DMD: variants seen among roughly 807,000 people sequenced by gnomAD.
DMD encodes the protein mutant dystrophin.
In DMD, 63 loss-of-function variants were observed where a neutral mutation model predicts 330.1. The observed-to-expected ratio is 0.19, with a 90% CI of 0.16 to 0.24. The LOEUF (loss-of-function observed/expected upper bound fraction) is 0.24. Ranked by LOEUF, DMD falls within the 10% of genes least tolerant of loss-of-function variation. The pLI, the probability that DMD is intolerant of heterozygous loss-of-function variation, is 1.00. For synonymous variants in DMD, 1,223 were observed against 959.8 expected (o/e 1.27, Z -5.07); for missense variants, 3,344 against 2,684.1 (o/e 1.25, Z -5.43).
intron 44 of DMD, among the ~76,000 whole-genome samples, chrX:31,976,800 A>T (rs993802690): frequency 8.9e-6 from 1 of 111,824 alleles, no homozygotes; most frequent in Non-Finnish European, 1.9e-5. Context: ...GTTCACAAGA[A>T]TTCCATGGGC....
intron 63 of DMD, among the ~76,000 whole-genome samples, chrX:31,227,373 A>T (rs2046718323): frequency 9.0e-6 from 1 of 111,467 alleles, no homozygotes; most frequent in Non-Finnish European, 1.9e-5. Flanking sequence ...AAATACTTCT[A>T]ACTATGACAC....
chrX:31,650,667 C>G (rs1417201324), intron 54 of DMD, among the ~76,000 whole-genome samples: 1 of 112,059 alleles, frequency 8.9e-6, no homozygotes, highest in Non-Finnish European at 1.9e-5. Context: ...CCTAAATAAA[C>G]AAACAAATGA....
intron 7 of DMD, among the ~76,000 whole-genome samples, chrX:32,806,403 T>C (rs904737205): frequency 1.8e-5 from 2 of 111,379 alleles, no homozygotes; most frequent in Non-Finnish European, 3.8e-5. Flanking sequence ...GTCCTAACTA[T>C]CCTAAATATA....
chrX:32,551,010 G>A (rs1028342550), intron 16 of DMD, among the ~76,000 whole-genome samples: 2 of 110,622 alleles, frequency 1.8e-5, no homozygotes, highest in Non-Finnish European at 3.8e-5. Context: ...CCACCAACCA[G>A]AAAAAGCCCA....
intron 44 of DMD, among the ~76,000 whole-genome samples, chrX:32,188,811 C>T (rs1221772667): frequency 3.6e-5 from 4 of 110,333 alleles, no homozygotes; most frequent in Non-Finnish European, 7.6e-5. Flanking sequence ...AATTATATTG[C>T]CCCCAAACAC....
rs896206308 is a variant in DMD, at chrX:33,256,607, G to A, written c.7+82652C>T. On this transcript the variant is annotated intron_variant, in intron 1 of 17. Coordinates refer to the DMD transcript ENST00000288447. ...AGAAACCTACTTTTCAACCGAGAATGTACACCTGTCATCTCAAAAGAAGGT... is the reference window on the plus strand; with the variant it reads ...AGAAACCTACTTTTCAACCGAGAATATACACCTGTCATCTCAAAAGAAGGT... 7.3e-5 allele frequency among the ~76,000 whole-genome samples: 8 copies of A among 109,430 alleles called. No individual in the cohort carries two copies. The Admixed American group carries it at 7.8e-4, about 11-fold the overall frequency.
Position 31,606,172 on chromosome X carries a change from C to T in DMD, c.8217+21501G>A, listed in dbSNP as rs764299989. ...TGCGGCCTTGTGAAGAAGATGCTTG[C>T]TTCCCCTTCACCTTCTGCCATGATT... On this transcript the variant is annotated intron_variant, in intron 55 of 78. Transcript: ENST00000357033. Among the ~76,000 whole-genome samples the T allele has an allele frequency of 6.3e-5, 7 of 111,622 alleles. No homozygotes were observed. The East Asian group carries it at 2.0e-3, about 32-fold the overall frequency.
intron 33 of DMD, among the ~76,000 whole-genome samples, chrX:32,384,629 T>C (rs912109653): frequency 3.6e-5 from 4 of 110,900 alleles, no homozygotes; most frequent in Non-Finnish European, 5.7e-5. Context: ...AAATTTACTT[T>C]CTATGGTAAG....
chrX:32,279,008 G>A (rs921879374), intron 43 of DMD, among the ~76,000 whole-genome samples: 13 of 111,723 alleles, frequency 1.2e-4, no homozygotes, highest in African/African-American at 4.2e-4. Flanking sequence ...CAAAAGATTC[G>A]AATAGGCATT....
intron 9 of DMD, among the ~76,000 whole-genome samples, chrX:32,666,967 G>A (rs1453031724): frequency 9.0e-6 from 1 of 111,144 alleles, no homozygotes; most frequent in Non-Finnish European, 1.9e-5. Context: ...AGATATCCGG[G>A]CTTCTATGCT....
At chrX:33,333,047 T>A (rs1242269649) in intron 1 of DMD, among the ~76,000 whole-genome samples, 1 of 110,782 alleles carries the variant, frequency 9.0e-6, no homozygotes, top group Non-Finnish European at 1.9e-5. Flanking sequence ...ATCAAGATCT[T>A]TGATAGCAGT....
chrX:32,644,619 G>C (rs1272532151), intron 10 of DMD, among the ~76,000 whole-genome samples: 1 of 110,146 alleles, frequency 9.1e-6, no homozygotes, highest in Non-Finnish European at 1.9e-5. Context: ...GACAGGGAAG[G>C]GAAAGAAGCC....
At chrX:32,670,106 G>T (rs1304539668) in intron 9 of DMD, among the ~76,000 whole-genome samples, 1 of 111,629 alleles carries the variant, frequency 9.0e-6, no homozygotes, top group South Asian at 3.8e-4. Context: ...GCTAAGCCAA[G>T]ATTTATGAAG....
intron 4 of DMD, among the ~76,000 whole-genome samples, chrX:32,836,687 T>C (rs773762073): frequency 2.7e-4 from 30 of 111,896 alleles, no homozygotes; most frequent in Non-Finnish European, 4.7e-4. Context: ...TCATGGGTTT[T>C]CATATGGAAT....
intron 68 of DMD, 71 bp from the exon 69 acceptor site, chrX:31,180,552 A>T: frequency 1.4e-6 from 1 of 693,694 alleles, no homozygotes; most frequent in African/African-American, 2.1e-5. Context: ...TCTTTAATAA[A>T]CCTTCTACCA....
chrX:31,605,300 C>T lies in DMD; in HGVS notation c.8217+22373G>A, dbSNP rs773228456. On this transcript the variant is annotated intron_variant, in intron 55 of 78. Coordinates refer to ENST00000357033, the MANE Select transcript of DMD (RefSeq NM_004006.3). ...CATTCCCACTACTTTGAGATCTTAA[C>T]AAGATCACATAACCATCTGAACTTG... 2.7e-5 allele frequency among the ~76,000 whole-genome samples: 3 copies of T among 111,798 alleles called. No individual in the cohort carries two copies. In the South Asian group the frequency reaches 1.1e-3, roughly 42 times the overall value.
intron 1 of DMD, among the ~76,000 whole-genome samples, chrX:33,234,649 T>C (rs1196420291): frequency 3.6e-5 from 4 of 111,842 alleles, no homozygotes; most frequent in Admixed American, 2.9e-4. Context: ...CACACTGACA[T>C]GATTCAATGA....
chrX:32,518,071 C>T lies in DMD; in HGVS notation c.2229G>A (p.Gln743=). The change falls in exon 18 of 79, where the codon CAG becomes CAA. Residue 743 remains glutamine (Q), a synonymous_variant. Transcript: ENST00000357033. ...TCCGAAAGATTGCAAATTCAGGACT[C>T]TGCAACACAGCTTCTGAGCGAGTAA... The part of the protein sequence containing the change: ...SWITRSEAVL[Q]SPEFAIFRKE... 8.3e-7 allele frequency: 1 copy of T among 1,209,444 alleles called. No individual in the cohort carries two copies. Among genetic ancestry groups the T allele is most frequent in the African/African-American group, 1.7e-5 (1 of 57,772 alleles).
intron 2 of DMD, among the ~76,000 whole-genome samples, chrX:32,888,322 C>A (rs745407096): frequency 2.7e-5 from 3 of 109,936 alleles, no homozygotes; most frequent in Non-Finnish European, 5.7e-5. Flanking sequence ...ACGCCCCCAC[C>A]CCCACAGGCT....
Sources: allele counts gnomAD v4.1 joint callset (sites outside exome capture counted in the v4.1 genomes callset), GRCh38; gene constraint gnomAD v4.1.1; transcripts MANE v1.5; gene names NCBI Gene and HGNC (gene_info 2026-07-23, HGNC 2026-07-21).